AUTS2: variants seen among roughly 807,000 people sequenced by gnomAD.
The protein encoded by AUTS2 is activator of transcription and developmental regulator AUTS2, also known as autism susceptibility gene 2 protein.
Under a neutral mutation model 112.4 loss-of-function variants are expected in AUTS2, and 17 were observed. The ratio of observed to expected loss-of-function variants is 0.15; its 90% CI spans 0.10 to 0.23. The LOEUF is 0.23. Among genes scored for constraint, AUTS2 ranks in the 10% least tolerant of loss-of-function variants. The pLI is 1.00. For missense variants in AUTS2, 1,510 were observed against 1,701.6 expected, an observed-to-expected ratio of 0.89 and a Z score of 1.98; for synonymous variants, 751 against 702.7, an observed-to-expected ratio of 1.07 and a Z score of -1.09.
At chr7:69,670,532 T>C (rs1430551523) in intron 1 of AUTS2, among the ~76,000 whole-genome samples, 5 of 136,104 alleles carry the variant, frequency 3.7e-5, no homozygotes, top group South Asian at 4.8e-4. Context: ...ATTAGTAACA[T>C]GGTTGTTTTT....
intron 4 of AUTS2, among the ~76,000 whole-genome samples, chr7:70,427,778 C>G (rs1470928511): frequency 6.6e-6 from 1 of 152,138 alleles, no homozygotes; most frequent in Non-Finnish European, 1.5e-5. Flanking sequence ...GAAGTGTTCC[C>G]TTAGCCCCCT....
At chr7:70,168,955 G>GA (rs1040461521) in intron 4 of AUTS2, among the ~76,000 whole-genome samples, 5 of 150,642 alleles carry the variant, frequency 3.3e-5, no homozygotes, top group Non-Finnish European at 5.9e-5. Context: ...TCTAACAGAA[G>GA]AAAAAAAAAT....
At chr7:70,525,066 G>C (rs1304852279) in intron 5 of AUTS2, among the ~76,000 whole-genome samples, 1 of 152,150 alleles carries the variant, frequency 6.6e-6, no homozygotes, top group Non-Finnish European at 1.5e-5. Flanking sequence ...AGGGCCTTGA[G>C]GTTATTTTTT....
chr7:70,739,002 C>G (rs28493517), intron 6 of AUTS2, among the ~76,000 whole-genome samples: 32,234 of 83,172 alleles, frequency 0.39, 4,505 homozygotes, highest in Middle Eastern at 0.49. Flanking sequence ...GGTTTTGAGG[C>G]CTTTTTTTTT....
At chr7:70,471,937 G>C (rs924497352) in intron 5 of AUTS2, among the ~76,000 whole-genome samples, 1 of 152,066 alleles carries the variant, frequency 6.6e-6, no homozygotes, top group African/African-American at 2.4e-5. Flanking sequence ...GGCCAGAGTG[G>C]AGAGGGGGAG....
chr7:70,359,358 T>C (rs1792153694), intron 4 of AUTS2, among the ~76,000 whole-genome samples: 1 of 152,226 alleles, frequency 6.6e-6, no homozygotes, highest in South Asian at 2.1e-4. Flanking sequence ...GTTCATAGGC[T>C]TCTGTCTTAG....
intron 4 of AUTS2, among the ~76,000 whole-genome samples, chr7:70,233,796 G>C (rs1812180162): frequency 6.6e-6 from 1 of 152,180 alleles, no homozygotes; most frequent in African/African-American, 2.4e-5. Flanking sequence ...TCCCATTGCT[G>C]GTAAAGAGAT....
chr7:69,631,407 A>T (rs1329168165), intron 1 of AUTS2, among the ~76,000 whole-genome samples: 1 of 152,234 alleles, frequency 6.6e-6, no homozygotes, highest in Non-Finnish European at 1.5e-5. Flanking sequence ...AAAATAGTTT[A>T]ACATCTGGGT....
chr7:70,196,871 A>G (rs1389569159), intron 4 of AUTS2, among the ~76,000 whole-genome samples: 1 of 152,208 alleles, frequency 6.6e-6, no homozygotes, highest in Non-Finnish European at 1.5e-5. Context: ...TATCTATAGC[A>G]AGTTCAAGGT....
At chr7:70,744,602 C>T (rs753688622) in intron 6 of AUTS2, among the ~76,000 whole-genome samples, 12 of 152,138 alleles carry the variant, frequency 7.9e-5, no homozygotes, top group Admixed American at 2.0e-4. Flanking sequence ...CCTTCAGTGC[C>T]GCCTGGCTGC....
intron 2 of AUTS2, among the ~76,000 whole-genome samples, chr7:69,919,892 T>G (rs1210515499): frequency 6.6e-6 from 1 of 152,224 alleles, no homozygotes; most frequent in Non-Finnish European, 1.5e-5. Flanking sequence ...GTTTCTGCTT[T>G]GTGGTAATGA....
At chr7:70,393,952 A>G (rs1053750018) in intron 4 of AUTS2, among the ~76,000 whole-genome samples, 2 of 152,204 alleles carry the variant, frequency 1.3e-5, no homozygotes, top group Admixed American at 6.5e-5. Context: ...CTTTTCGGCA[A>G]AGAAAAAGCA....
intron 4 of AUTS2, among the ~76,000 whole-genome samples, chr7:70,380,501 C>T (rs1005480633): frequency 2.0e-5 from 3 of 152,182 alleles, no homozygotes; most frequent in East Asian, 3.9e-4. Context: ...GGACCACGTC[C>T]GTGGCTGTGA....
chr7:70,480,481 C>G (rs1375893989), intron 5 of AUTS2, among the ~76,000 whole-genome samples: 1 of 152,218 alleles, frequency 6.6e-6, no homozygotes, highest in Non-Finnish European at 1.5e-5. Context: ...CATTCATTCC[C>G]ATTTCCCTCT....
intron 5 of AUTS2, among the ~76,000 whole-genome samples, chr7:70,562,326 A>T (rs1242808880): frequency 6.6e-6 from 1 of 152,230 alleles, no homozygotes; most frequent in African/African-American, 2.4e-5. Flanking sequence ...TCCTACCTGA[A>T]CAAAGTTGAT....
intron 1 of AUTS2, among the ~76,000 whole-genome samples, chr7:69,813,345 C>A (rs1790626237): frequency 6.6e-6 from 1 of 152,088 alleles, no homozygotes; most frequent in Non-Finnish European, 1.5e-5. Flanking sequence ...CTTAGGAAGT[C>A]TTTGTTGGAA....
At chr7:69,836,203 A>G (rs987530284) in intron 1 of AUTS2, among the ~76,000 whole-genome samples, 1 of 152,184 alleles carries the variant, frequency 6.6e-6, no homozygotes, top group Non-Finnish European at 1.5e-5. Context: ...AGCTTAGTAT[A>G]AACAGATTTC....
At chr7:69,860,792 G>A (rs1295737572) in intron 1 of AUTS2, among the ~76,000 whole-genome samples, 1 of 152,182 alleles carries the variant, frequency 6.6e-6, no homozygotes, top group Non-Finnish European at 1.5e-5. Context: ...CCTTCACAGG[G>A]TTCTGAGGGT....
At chr7:70,690,793 T>G (rs2129546334) in intron 5 of AUTS2, among the ~76,000 whole-genome samples, 1 of 152,226 alleles carries the variant, frequency 6.6e-6, no homozygotes, top group Non-Finnish European at 1.5e-5. Flanking sequence ...GAAGACCTTG[T>G]CTGTACAAAA....
Sources: allele counts gnomAD v4.1 joint callset (sites outside exome capture counted in the v4.1 genomes callset), GRCh38; gene constraint gnomAD v4.1.1; transcripts MANE v1.5; gene names NCBI Gene and HGNC (gene_info 2026-07-23, HGNC 2026-07-21).